TRIM36: variants seen among roughly 807,000 people sequenced by gnomAD.
TRIM36 encodes tripartite motif containing 36, also known as E3 ubiquitin-protein ligase TRIM36.
A neutral mutation model predicts 72.4 loss-of-function variants in TRIM36; 42 were observed. The ratio of observed to expected loss-of-function variants is 0.58; its 90% CI spans 0.45 to 0.75. The LOEUF is 0.75. Ranked by LOEUF, TRIM36 falls within the 30% of genes least tolerant of loss-of-function variation. The probability of loss-of-function intolerance (pLI) is 0.00; values close to 1 mark genes in which losing one functional copy is unlikely to be tolerated. For synonymous variants in TRIM36, 315 were observed against 282.8 expected, an observed-to-expected ratio of 1.11 and a Z score of -1.14; for missense variants, 913 against 857.1, an observed-to-expected ratio of 1.07 and a Z score of -0.81.
intron 5 of TRIM36, 150 bp downstream of exon 5, chr5:115,141,129 G>C (rs1039536128): frequency 8.8e-6 from 5 of 568,396 alleles, no homozygotes; most frequent in African/African-American, 3.9e-5. Context: ...TTTTACATTT[G>C]TTTCCATAGC....
At chr5:115,138,110 GT>G (rs1753061895) in intron 5 of TRIM36, among the ~76,000 whole-genome samples, 2 of 152,172 alleles carry the variant, frequency 1.3e-5, no homozygotes, top group African/African-American at 2.4e-5. Flanking sequence ...AGTTGTTTTT[GT>G]TTTTTTGAGA....
At position 115,126,884 on chromosome 5, in the gene TRIM36, T is replaced by A. The variant is rs559487868; in HGVS notation, c.1797-27A>T. ...TGAAACATAATACAAAGCATCTGTA[T>A]CTTCAACAATAGATCTAAGTATCTT... is the stretch of plus-strand genomic sequence containing the variant. On this transcript the variant is annotated intron_variant, in intron 9 of 9. Transcript: ENST00000513154. 4.7e-4 allele frequency: 747 copies of A among 1,576,158 alleles called. 11 individuals are homozygous for A. In the South Asian group the frequency reaches 8.4e-3, roughly 18 times the overall value.
chr5:115,174,123 G>C (rs1022511126), upstream of TRIM36: 1 of 152,108 alleles, frequency 6.6e-6, no homozygotes, highest in African/African-American at 2.4e-5. Context: ...AAGCTGACTT[G>C]GTCTTTTTCC....
rs1372779715 is a variant in TRIM36 at position 115,125,504 on chromosome 5, A to G, written c.*999T>C. On this transcript the variant is annotated 3_prime_UTR_variant, in exon 10 of 10. Transcript: ENST00000513154. ...GAACATTTAAATGTTACAAAAATTTATAATATATGTAACGCTACTAAAATA... is the reference window on the plus strand; with the variant it reads ...GAACATTTAAATGTTACAAAAATTTGTAATATATGTAACGCTACTAAAATA... The G allele has an allele frequency of 6.8e-6, 1 of 146,492 alleles. No homozygotes were observed. The highest frequency in any genetic ancestry group is 2.7e-5 in the African/African-American group (1 of 36,670). The allele number at this position is 146,492 out of a possible 1,614,324, so 9.1% of individuals were successfully genotyped here.
upstream of TRIM36, chr5:115,174,173 G>C (rs1007692904): frequency 2.0e-5 from 3 of 152,112 alleles, no homozygotes; most frequent in African/African-American, 7.2e-5. Flanking sequence ...TAAATTCATG[G>C]CTGGGTCAAG....
rs1752832082 is a variant in TRIM36, at chr5:115,134,053, G to A, written c.1305C>T (p.Ser435=). The A allele has an allele frequency of 5.0e-6, 8 of 1,613,740 alleles. No individual in the cohort carries two copies. The East Asian group carries it at 1.8e-4, about 36-fold the overall frequency. The change falls in exon 8 of 10, where the codon AGC becomes AGT. Residue 435 remains serine (S), a synonymous_variant. Coordinates refer to ENST00000513154, the MANE Select transcript of TRIM36 (RefSeq NM_001300759.2). The part of the protein sequence containing the change: ...WHHPEKDKAD[S]YVLEYRKINR... The stretch of plus-strand genomic sequence containing the variant: ...TGATTTTCCGATATTCAAGAACATA[G>A]CTATCAGCTTTATCCTTTTCTGGAT...
At chr5:115,148,319 T>C in intron 2 of TRIM36, 3 of 984,514 alleles carry the variant, frequency 3.0e-6, no homozygotes, top group Non-Finnish European at 3.6e-6. Context: ...AAGAAACCAA[T>C]GCATGACAGT....
At chr5:115,131,138 T>G (rs926390613) in intron 8 of TRIM36, among the ~76,000 whole-genome samples, 4 of 152,144 alleles carry the variant, frequency 2.6e-5, no homozygotes, top group African/African-American at 9.7e-5. Context: ...ATGTGAAAAT[T>G]TATAAAAACA....
intron 2 of TRIM36, among the ~76,000 whole-genome samples, chr5:115,157,640 G>A (rs1754250069): frequency 6.6e-6 from 1 of 152,024 alleles, no homozygotes. Flanking sequence ...CAGAGGAAAA[G>A]CAGTCATTAT....
In TRIM36 at chr5:115,126,523, C is replaced by G; in HGVS notation, c.2131G>C (p.Glu711Gln). 2 of 1,608,212 alleles carry G rather than the reference C, an allele frequency of 1.2e-6. No homozygotes were observed. The highest frequency in any genetic ancestry group is 1.7e-6 in the Non-Finnish European group (2 of 1,175,122). ...LEEPITAKYL[E>Q]YQEDM ...TTCAACTACATGTCCTCTTGGTATT[C>G]CAGATATTTTGCTGTGATGGGTTCT... The change falls in exon 10 of 10, where the codon GAA (glutamate) becomes CAA (glutamine). Residue 711 changes from glutamate (E) to glutamine (Q), a missense_variant. Glu to Gln is a conservative substitution (Grantham distance 29). Coordinates refer to ENST00000513154, the MANE Select transcript of TRIM36 (RefSeq NM_001300759.2).
chr5:115,155,222 C>T (rs987769381), intron 2 of TRIM36, among the ~76,000 whole-genome samples: 1 of 151,712 alleles, frequency 6.6e-6, no homozygotes, highest in African/African-American at 2.4e-5. Context: ...GTGGCGTGAA[C>T]CTGTAATCTC....
chr5:115,131,599 G>A (rs1375352659), intron 8 of TRIM36, among the ~76,000 whole-genome samples: 2 of 151,994 alleles, frequency 1.3e-5, no homozygotes, highest in Non-Finnish European at 2.9e-5. Context: ...AAGAAAATGT[G>A]GTATATACAT....
At chr5:115,159,532 C>T (rs545247063) in intron 2 of TRIM36, 15 of 378,370 alleles carry the variant, frequency 4.0e-5, no homozygotes, top group African/African-American at 3.0e-4. Context: ...ACTCTCTACA[C>T]AATTTTGAAG....
chr5:115,153,827 T>C (rs1378378257), intron 2 of TRIM36: 6 of 152,196 alleles, frequency 3.9e-5, no homozygotes, highest in Non-Finnish European at 8.8e-5. Flanking sequence ...TTGGAACAAA[T>C]GGACCTAACA....
chr5:115,139,601 C>A (rs144953872), intron 5 of TRIM36, among the ~76,000 whole-genome samples: 251 of 152,288 alleles, frequency 1.6e-3, no homozygotes, highest in African/African-American at 6.0e-3. Context: ...TAGTATTTCA[C>A]TGACAAATCA....
In TRIM36 at chr5:115,128,758, C is replaced by CAAAAAAAAA. The variant is rs58384978; in HGVS notation, c.1796+1825_1796+1833dup. ...TGGGCGACAGAGCGAGACTCCGTCT[C>CAAAAAAAAA]AAAAAAAAAAAAAAAAAAAAAAAAA... On this transcript the variant is annotated intron_variant, in intron 9 of 9. Coordinates refer to ENST00000513154, the MANE Select transcript of TRIM36 (RefSeq NM_001300759.2). 2.1e-3 allele frequency among the ~76,000 whole-genome samples: 99 copies of CAAAAAAAAA among 47,008 alleles called. 4 individuals carry two copies. Among genetic ancestry groups the CAAAAAAAAA allele is most frequent in the Non-Finnish European group, 2.0e-3 (48 of 24,124 alleles). The allele number at this position is 47,008 out of a possible 152,430, so 30.8% of individuals were successfully genotyped here.
Position 115,133,943 on chromosome 5 carries a change from T to C in TRIM36, c.1415A>G (p.Tyr472Cys), listed in dbSNP as rs1752824229. 12 of 1,613,670 alleles carry C rather than the reference T, an allele frequency of 7.4e-6. No individual in the cohort carries two copies. Among genetic ancestry groups the C allele is most frequent in the Non-Finnish European group, 9.3e-6 (11 of 1,179,818 alleles). The change falls in exon 8 of 10, where the codon TAT (tyrosine) becomes TGT (cysteine). Residue 472 changes from tyrosine to cysteine, a missense_variant. Physicochemically the swap from Tyr to Cys is radical, Grantham distance 194 (BLOSUM62 -2). Transcript: ENST00000513154. ...CTTGTAAGCTCTTACTCTGAAAGCA[T>C]AGGTACTACTGTTTTCCAAGTCTTG... ...IIQDLENSST[Y>C]AFRVRAYKGS... is the part of the protein sequence containing the mutation.
chr5:115,133,911 T>C lies in TRIM36; in HGVS notation c.1447A>G (p.Ile483Val), dbSNP rs368091324. ...AATTCTCTGCTGCAAGGACTACAGA[T>C]TGAACCCTTGTAAGCTCTTACTCTG... Reference protein sequence around the residue: ...AFRVRAYKGSICSPCSRELIL... With the variant: ...AFRVRAYKGSVCSPCSRELIL... Residue 483 changes from isoleucine to valine, a missense_variant, in exon 8 of 10, where the codon ATC (isoleucine) becomes GTC (valine). Ile to Val is a conservative substitution (Grantham distance 29). Coordinates refer to ENST00000513154, the MANE Select transcript of TRIM36 (RefSeq NM_001300759.2). The C allele has an allele frequency of 2.3e-5, 37 of 1,613,108 alleles. No individual in the cohort carries two copies. In the African/African-American group the frequency reaches 3.7e-4, roughly 16 times the overall value.
At position 115,147,369 on chromosome 5, in the gene TRIM36, C is replaced by T. The variant is rs140845945; in HGVS notation, c.288G>A (p.Pro96=). The T allele has an allele frequency of 1.1e-5, 18 of 1,612,498 alleles. No individual in the cohort carries two copies. The highest frequency in any genetic ancestry group is 7.7e-5 in the South Asian group (7 of 91,064). The part of the protein sequence containing the change: ...RPGWKRNSLT[P]RTTVFPCPGC... ...CAGGGCAAGGGAAAACAGTTGTCCT[C>T]GGGGTCAATGAATTGCGCTTCCAGC... The change falls in exon 3 of 10, where the codon CCG becomes CCA. Residue 96 remains proline (P), a synonymous_variant. Transcript: ENST00000513154.
Sources: gnomAD v4.1 joint callset for allele counts (sites outside exome capture counted in the v4.1 genomes callset) on GRCh38, gnomAD v4.1.1 for gene constraint, MANE v1.5 for transcripts, NCBI Gene and HGNC (gene_info 2026-07-23, HGNC 2026-07-21) for gene names.